Variants in GPRASP2 observed in about 807,000 individuals in gnomAD.
GPRASP2 encodes G protein-coupled receptor associated sorting protein 2, also known as G protein-coupled receptor-associated sorting protein 2.
Under a neutral mutation model 36.0 loss-of-function variants are expected in GPRASP2, and 10 were observed. The ratio of observed to expected loss-of-function variants is 0.28; its 90% confidence interval spans 0.17 to 0.47. The LOEUF is 0.47. GPRASP2 is among the 20% of genes least tolerant of loss of function. GPRASP2 has a pLI of 0.99. For missense variants in GPRASP2, 538 were observed against 626.7 expected, an observed-to-expected ratio of 0.86 and a Z score of 1.51; for synonymous variants, 219 against 230.5, an observed-to-expected ratio of 0.95 and a Z score of 0.45.
rs370420887 is a variant in GPRASP2 at position 102,715,447 on chromosome X, A to G, written c.578A>G (p.Gln193Arg). The change falls in exon 5 of 5, where the codon CAG (glutamine) becomes CGG (arginine). Residue 193 changes from glutamine to arginine, a missense_variant. Around this residue, in one of 2 missense-constraint regions of GPRASP2, gnomAD observed 276 missense variants for 275.0 expected, o/e 1.00. Coordinates refer to ENST00000483720, the MANE Select transcript of GPRASP2 (RefSeq NM_001004051.4). ...FPGTQGQKGIQPWFGPGEETN... is the reference protein window; with the variant it reads ...FPGTQGQKGIRPWFGPGEETN... ...GGCACCCAGGGTCAGAAAGGAATCC[A>G]GCCCTGGTTTGGACCAGGGGAGGAG... is the stretch of plus-strand genomic sequence containing the variant. The G allele has an allele frequency of 5.0e-6, 6 of 1,210,989 alleles. No individual in the cohort carries two copies. The African/African-American group carries it at 1.0e-4, about 21-fold the overall frequency.
In GPRASP2 at chrX:102,716,737, T is replaced by A. The variant is rs2081970695; in HGVS notation, c.1868T>A (p.Met623Lys). The change falls in exon 5 of 5, where the codon ATG becomes AAG. Residue 623 changes from methionine to lysine, a missense_variant. Physicochemically the swap from Met to Lys is moderately conservative, Grantham distance 95. Around this residue, in one of 2 missense-constraint regions of GPRASP2, gnomAD observed 262 missense variants for 351.7 expected, o/e 0.74. Transcript: ENST00000483720. ...IHEISKIAMG[M>K]RSASQFTRDF... is the part of the protein sequence containing the mutation. ...GAAATATCTAAAATTGCAATGGGTA[T>A]GAGAAGTGCTTCTCAATTTACCCGA... 1 of 1,210,793 alleles carries A rather than the reference T, an allele frequency of 8.3e-7. No homozygotes were observed. The highest frequency in any genetic ancestry group is 2.2e-5 in the Admixed American group (1 of 45,875).
chrX:102,714,949 A>G lies in GPRASP2; in HGVS notation c.80A>G (p.Glu27Gly). The part of the protein sequence containing the change: ...KAGEEVIAGP[E>G]RENDVPLVVR... The stretch of plus-strand genomic sequence containing the variant: ...GGGGAAGAGGTTATCGCTGGGCCTG[A>G]GAGAGAGAATGATGTCCCTCTGGTG... Residue 27 changes from glutamate (E) to glycine (G), a missense_variant, in exon 5 of 5, where the codon GAG becomes GGG. Glu to Gly is a moderately conservative substitution (Grantham distance 98, BLOSUM62 -2). This residue lies in a region of GPRASP2 where 276 missense variants were observed against 275.0 expected (regional missense o/e 1.00). Coordinates refer to ENST00000483720, the MANE Select transcript of GPRASP2 (RefSeq NM_001004051.4). 8.2e-7 allele frequency: 1 copy of G among 1,212,496 alleles called. No homozygotes were observed. Among genetic ancestry groups the G allele is most frequent in the Non-Finnish European group, 1.1e-6 (1 of 895,684 alleles).
At position 102,714,835 on chromosome X, in the gene GPRASP2, G is replaced by A. The variant is rs2235805; in HGVS notation, c.-35G>A. 2.2e-3 allele frequency: 2,649 copies of A among 1,180,372 alleles called. 41 individuals are homozygous for A. In the East Asian group the frequency reaches 0.05, roughly 22 times the overall value. ...GTGGTTGAGGTTTAGACTACGGGAG[G>A]AGTATATTACCTGACTTTCTTTGTA... On this transcript the variant is annotated 5_prime_UTR_variant, in exon 5 of 5. Transcript: ENST00000483720.
Position 102,717,443 on chromosome X carries a change from G to A in GPRASP2, c.*57G>A. The A allele has an allele frequency of 1.0e-6, 1 of 1,003,439 alleles. No homozygotes were observed. Among genetic ancestry groups the A allele is most frequent in the Non-Finnish European group, 1.3e-6 (1 of 783,670 alleles). 82.7% of individuals were successfully genotyped at this position (1,003,439 alleles called of 1,213,427 possible). A position where few individuals can be genotyped will look rare whatever the true frequency, so the allele number is the denominator to read the frequency against. On this transcript the variant is annotated 3_prime_UTR_variant, in exon 5 of 5. Coordinates refer to ENST00000483720, the MANE Select transcript of GPRASP2 (RefSeq NM_001004051.4). ...ATGTTCCCAAAGAGCCCTGAGTAGT[G>A]CTTTGGTGTTCACAGTCTGTTTTTT... is the stretch of plus-strand genomic sequence containing the variant.
At position 102,713,122 on chromosome X, in the gene GPRASP2, T is replaced by C. The variant is rs1007447200; in HGVS notation, c.-567-8T>C. On this transcript the variant is annotated splice_region_variant and splice_polypyrimidine_tract_variant and intron_variant, in intron 1 of 4. Transcript: ENST00000483720. ...GGTTGATGTCAAAGTCTTGTGTCTGTGCGGTAGGTCTGGCGTATTCTGACA... is the reference window on the plus strand; with the variant it reads ...GGTTGATGTCAAAGTCTTGTGTCTGCGCGGTAGGTCTGGCGTATTCTGACA... 4.4e-5 allele frequency: 5 copies of C among 112,729 alleles called. No individual in the cohort carries two copies. Among genetic ancestry groups the C allele is most frequent in the African/African-American group, 1.6e-4 (5 of 31,093 alleles). The allele number at this position is 112,729 out of a possible 1,213,427, so 9.3% of individuals were successfully genotyped here.
Position 102,717,455 on chromosome X carries a change from A to C in GPRASP2, c.*69A>C. On this transcript the variant is annotated 3_prime_UTR_variant, in exon 5 of 5. Coordinates refer to ENST00000483720, the MANE Select transcript of GPRASP2 (RefSeq NM_001004051.4). ...AGCCCTGAGTAGTGCTTTGGTGTTC[A>C]CAGTCTGTTTTTTTGTTGTAACTTA... 1 of 997,537 alleles carries C rather than the reference A, an allele frequency of 1.0e-6. No homozygotes were observed. Among genetic ancestry groups the C allele is most frequent in the South Asian group, 4.7e-5 (1 of 21,295 alleles). 82.2% of individuals were successfully genotyped at this position (997,537 alleles called of 1,213,427 possible).
chrX:102,714,918 A>C lies in GPRASP2; in HGVS notation c.49A>C (p.Lys17Gln). 8.2e-7 allele frequency: 1 copy of C among 1,212,170 alleles called. No individual in the cohort carries two copies. Among genetic ancestry groups the C allele is most frequent in the Non-Finnish European group, 1.1e-6 (1 of 895,556 alleles). The change falls in exon 5 of 5, where the codon AAG becomes CAG. Residue 17 changes from lysine to glutamine, a missense_variant. This residue lies in a region of GPRASP2 where 276 missense variants were observed against 275.0 expected (regional missense o/e 1.00). Coordinates refer to ENST00000483720, the MANE Select transcript of GPRASP2 (RefSeq NM_001004051.4). ...TAGTGCCCAGGCCAAGCCTGAAAAG[A>C]AGGCTGGGGAAGAGGTTATCGCTGG... ...EPSAQAKPEK[K>Q]AGEEVIAGPE...
At position 102,713,168 on chromosome X, in the gene GPRASP2, G is replaced by C. The variant is rs2081903053; in HGVS notation, c.-529G>C. On this transcript the variant is annotated 5_prime_UTR_variant, in exon 2 of 5. Coordinates refer to ENST00000483720, the MANE Select transcript of GPRASP2 (RefSeq NM_001004051.4). ...TGACAGGACACAGTGAGCGTCTGTA[G>C]AGGAGAGGCTTGAAATAAAGGAGCA... 8.9e-6 allele frequency: 1 copy of C among 112,648 alleles called. No homozygotes were observed. Among genetic ancestry groups the C allele is most frequent in the Admixed American group, 9.3e-5 (1 of 10,751 alleles). 9.3% of individuals were successfully genotyped at this position (112,648 alleles called of 1,213,427 possible).
Position 102,717,216 on chromosome X carries a change from A to C in GPRASP2, c.2347A>C (p.Met783Leu). 8.9e-7 allele frequency: 1 copy of C among 1,122,983 alleles called. No homozygotes were observed. Among genetic ancestry groups the C allele is most frequent in the Non-Finnish European group, 1.2e-6 (1 of 851,615 alleles). 92.5% of individuals were successfully genotyped at this position (1,122,983 alleles called of 1,213,427 possible). A position where few individuals can be genotyped will look rare whatever the true frequency, so the allele number is the denominator to read the frequency against. ...TGATAATATTCAAATTGTTATTAAA[A>C]TGTTTCAGAATATCAGTAACATTAT... ...TNDNIQIVIK[M>L]FQNISNIIKS... Residue 783 changes from methionine (M) to leucine (L), a missense_variant, in exon 5 of 5, where the codon ATG (methionine) becomes CTG (leucine). Around this residue, in one of 2 missense-constraint regions of GPRASP2, gnomAD observed 262 missense variants for 351.7 expected, o/e 0.74. Transcript: ENST00000483720.
Position 102,715,671 on chromosome X carries a change from T to G in GPRASP2, c.802T>G (p.Ser268Ala), listed in dbSNP as rs144370865. ...GGCTAAACATCAGACTAATCCCAGGTCCAGGCCCAGATCCAAGCAAGAAGC... is the reference window on the plus strand; with the variant it reads ...GGCTAAACATCAGACTAATCCCAGGGCCAGGCCCAGATCCAAGCAAGAAGC... Reference protein sequence around the residue: ...HRAKHQTNPRSRPRSKQEAYV... With the variant: ...HRAKHQTNPRARPRSKQEAYV... Residue 268 changes from serine (S) to alanine (A), a missense_variant, in exon 5 of 5, where the codon TCC becomes GCC. Coordinates refer to ENST00000483720, the MANE Select transcript of GPRASP2 (RefSeq NM_001004051.4). The G allele has an allele frequency of 4.1e-6, 5 of 1,209,557 alleles. No homozygotes were observed. The highest frequency in any genetic ancestry group is 5.6e-6 in the Non-Finnish European group (5 of 895,152).
intron 2 of GPRASP2, 138 bp from the exon 3 acceptor site, chrX:102,713,644 C>A (rs1329770839): frequency 8.9e-6 from 1 of 112,652 alleles, no homozygotes; most frequent in Non-Finnish European, 1.9e-5. Context: ...GAATATTCCA[C>A]CAGCAAAACC....
chrX:102,716,304 G>T lies in GPRASP2; in HGVS notation c.1435G>T (p.Ala479Ser), dbSNP rs1285063019. Residue 479 changes from alanine to serine, a missense_variant, in exon 5 of 5, where the codon GCT becomes TCT. Physicochemically the swap from Ala to Ser is moderately conservative, Grantham distance 99. Transcript: ENST00000483720. The part of the protein sequence containing the change: ...YKVSDRFRDA[A>S]EELNASSRPQ... ...GGTCAGTGATAGGTTCAGAGATGCA[G>T]CTGAGGAGCTTAATGCATCCTCCAG... 3.3e-6 allele frequency: 4 copies of T among 1,211,989 alleles called. No homozygotes were observed. The highest frequency in any genetic ancestry group is 2.2e-6 in the Non-Finnish European group (2 of 895,606).
Position 102,715,734 on chromosome X carries a change from A to G in GPRASP2, c.865A>G (p.Ser289Gly), listed in dbSNP as rs113336462. 2,510 of 1,210,368 alleles carry G rather than the reference A, an allele frequency of 2.1e-3. 43 individuals are homozygous for G. The African/African-American group carries it at 0.04, about 19-fold the overall frequency. The part of the protein sequence containing the change: ...DSWSGSEDEA[S>G]NPFSFWVGEN... ...CTGGTCTGGATCTGAGGATGAGGCC[A>G]GCAACCCATTCTCCTTCTGGGTTGG... Residue 289 changes from serine (S) to glycine (G), a missense_variant, in exon 5 of 5, where the codon AGC becomes GGC. Ser to Gly is a moderately conservative substitution (Grantham distance 56). Transcript: ENST00000483720.
In GPRASP2 at chrX:102,716,865, G is replaced by T; in HGVS notation, c.1996G>T (p.Ala666Ser). The stretch of plus-strand genomic sequence containing the variant: ...TTTTTTGGAAAATATGATTCACATG[G>T]CTCCACCTTATCCAAATCTAAACAT... ...TSFLENMIHM[A>S]PPYPNLNMIE... The change falls in exon 5 of 5, where the codon GCT becomes TCT. Residue 666 changes from alanine to serine, a missense_variant. Physicochemically the swap from Ala to Ser is moderately conservative, Grantham distance 99. This residue lies in a region of GPRASP2 where 262 missense variants were observed against 351.7 expected (regional missense o/e 0.74). Coordinates refer to ENST00000483720, the MANE Select transcript of GPRASP2 (RefSeq NM_001004051.4). 1 of 1,211,226 alleles carries T rather than the reference G, an allele frequency of 8.3e-7. No individual in the cohort carries two copies. Among genetic ancestry groups the T allele is most frequent in the East Asian group, 3.0e-5 (1 of 33,840 alleles).
chrX:102,715,609 G>A lies in GPRASP2; in HGVS notation c.740G>A (p.Trp247Ter), dbSNP rs754170235. The change falls in exon 5 of 5, where the codon TGG becomes TAG. Residue 247 changes from tryptophan to a stop codon, truncating the protein, a stop_gained. Coordinates refer to ENST00000483720, the MANE Select transcript of GPRASP2 (RefSeq NM_001004051.4). LOFTEE classifies it high-confidence loss of function. The part of the protein sequence containing the change: ...WTGEETSVRS[W>*]PREESNTRSR... ...GGAGAAGAGACAAGTGTCAGATCAT[G>A]GCCCAGGGAAGAGTCCAATACCAGG... 1 of 1,211,673 alleles carries A rather than the reference G, an allele frequency of 8.3e-7. No individual in the cohort carries two copies. Among genetic ancestry groups the A allele is most frequent in the Middle Eastern group, 2.3e-4 (1 of 4,355 alleles).
Position 102,717,307 on chromosome X carries a change from G to A in GPRASP2, c.2438G>A (p.Arg813His), listed in dbSNP as rs781218943. 7.3e-6 allele frequency: 8 copies of A among 1,097,868 alleles called. No homozygotes were observed. Among genetic ancestry groups the A allele is most frequent in the Admixed American group, 3.3e-5 (1 of 30,626 alleles). 90.5% of individuals were successfully genotyped at this position (1,097,868 alleles called of 1,213,427 possible). A position where few individuals can be genotyped will look rare whatever the true frequency, so the allele number is the denominator to read the frequency against. The change falls in exon 5 of 5, where the codon CGT becomes CAT. Residue 813 changes from arginine (R) to histidine (H), a missense_variant. By Grantham distance (29) the Arg-to-His change is conservative. Coordinates refer to ENST00000483720, the MANE Select transcript of GPRASP2 (RefSeq NM_001004051.4). Reference sequence around the variant, plus strand: ...CTTGAGCCGCTTATTTCTGCATTTCGTGAATTTGAGGAGTTAGCTAAGCAA... The same window carrying A: ...CTTGAGCCGCTTATTTCTGCATTTCATGAATTTGAGGAGTTAGCTAAGCAA... Reference protein sequence around the residue: ...FSLEPLISAFREFEELAKQLQ... With the variant: ...FSLEPLISAFHEFEELAKQLQ...
At position 102,714,855 on chromosome X, in the gene GPRASP2, T is replaced by G; in HGVS notation, c.-15T>G. 2 of 1,197,822 alleles carry G rather than the reference T, an allele frequency of 1.7e-6. No individual in the cohort carries two copies. Among genetic ancestry groups the G allele is most frequent in the Non-Finnish European group, 2.2e-6 (2 of 889,570 alleles). On this transcript the variant is annotated 5_prime_UTR_variant, in exon 5 of 5. Coordinates refer to ENST00000483720, the MANE Select transcript of GPRASP2 (RefSeq NM_001004051.4). ...GGGAGGAGTATATTACCTGACTTTC[T>G]TTGTAACTTGTACCATGACTGGGGC...
Position 102,715,251 on chromosome X carries a change from G to T in GPRASP2, c.382G>T (p.Ala128Ser), listed in dbSNP as rs935187726. The change falls in exon 5 of 5, where the codon GCA (alanine) becomes TCA (serine). Residue 128 changes from alanine (A) to serine (S), a missense_variant. Physicochemically the swap from Ala to Ser is moderately conservative, Grantham distance 99. This residue lies in a region of GPRASP2 where 276 missense variants were observed against 275.0 expected (regional missense o/e 1.00). Coordinates refer to ENST00000483720, the MANE Select transcript of GPRASP2 (RefSeq NM_001004051.4). The part of the protein sequence containing the change: ...PGARPKDEAQ[A>S]WAQSEFGTEA... ...AGCAAGGCCCAAGGATGAGGCCCAG[G>T]CATGGGCCCAGAGTGAATTTGGGAC... 2.5e-6 allele frequency: 3 copies of T among 1,208,843 alleles called. No individual in the cohort carries two copies. Among genetic ancestry groups the T allele is most frequent in the African/African-American group, 3.6e-5 (2 of 55,113 alleles).
chrX:102,716,670 T>C lies in GPRASP2; in HGVS notation c.1801T>C (p.Phe601Leu). 1.7e-6 allele frequency: 2 copies of C among 1,212,046 alleles called. No homozygotes were observed. The highest frequency in any genetic ancestry group is 2.2e-6 in the Non-Finnish European group (2 of 895,630). Residue 601 changes from phenylalanine to leucine, a missense_variant, in exon 5 of 5, where the codon TTC (phenylalanine) becomes CTC (leucine). Physicochemically the swap from Phe to Leu is conservative, Grantham distance 22. Coordinates refer to ENST00000483720, the MANE Select transcript of GPRASP2 (RefSeq NM_001004051.4). ...LKIGSEEFEE[F>L]LLLMDKIRDP... ...AATTGGTTCTGAAGAGTTTGAAGAA[T>C]TCCTTTTATTAATGGACAAAATTCG... is the stretch of plus-strand genomic sequence containing the variant.
Sources: gnomAD v4.1 joint callset for allele counts on GRCh38, gnomAD v4.1.1 for gene constraint, gnomAD v4.1.1 regional missense constraint, MANE v1.5 for transcripts, NCBI Gene and HGNC (gene_info 2026-07-23, HGNC 2026-07-21) for gene names.